FKTN: variants seen among roughly 807,000 people sequenced by gnomAD.
The protein encoded by FKTN is fukutin.
FKTN carries 47 observed loss-of-function variants against 58.6 expected under a neutral mutation model. That is an observed-to-expected ratio of 0.80 (90% CI 0.63 to 1.02). The LOEUF is 1.02. Among genes scored for constraint, FKTN ranks in the 50% least tolerant of loss-of-function variants. FKTN has a pLI of 0.00. For synonymous variants in FKTN, 178 were observed against 191.9 expected (o/e 0.93, Z 0.60); for missense variants, 516 against 537.3 (o/e 0.96, Z 0.39).
intron 3 of FKTN, among the ~76,000 whole-genome samples, chr9:105,584,618 G>A (rs1303065320): frequency 1.3e-5 from 2 of 151,982 alleles, no homozygotes; most frequent in Non-Finnish European, 2.9e-5. Flanking sequence ...CCAAGAGTTT[G>A]AAACCAGCCA....
chr9:105,616,083 AGATTT>A (rs1478416166), intron 8 of FKTN, among the ~76,000 whole-genome samples: 1 of 152,214 alleles, frequency 6.6e-6, no homozygotes, highest in Non-Finnish European at 1.5e-5. Context: ...GAGCCCTGAA[AGATTT>A]GATTTAACAC....
chr9:105,584,309 C>A (rs1317897367), intron 3 of FKTN, among the ~76,000 whole-genome samples: 1 of 151,612 alleles, frequency 6.6e-6, no homozygotes, highest in East Asian at 1.9e-4. Flanking sequence ...GTGTCCATAC[C>A]ATACAAACTG....
At chr9:105,614,933 G>C (rs1398573804) in intron 7 of FKTN, among the ~76,000 whole-genome samples, 1 of 151,120 alleles carries the variant, frequency 6.6e-6, no homozygotes, top group African/African-American at 2.4e-5. Flanking sequence ...GCCCAGGCTG[G>C]AGTATAGTGG....
At chr9:105,630,401 T>TTCGAGACAGTGAATTAGTAATCCG (rs1833268119) in intron 10 of FKTN, among the ~76,000 whole-genome samples, 1 of 152,186 alleles carries the variant, frequency 6.6e-6, no homozygotes. Flanking sequence ...CCTATATTCA[T>TTCGAGACAGTGAATTAGTAATCCG]TCGAGACAGT....
chr9:105,625,510 A>G (rs1466664828), intron 10 of FKTN, among the ~76,000 whole-genome samples: 2 of 152,170 alleles, frequency 1.3e-5, no homozygotes, highest in African/African-American at 2.4e-5. Flanking sequence ...CTGTTGAGGA[A>G]TATTGTTCTT....
intron 3 of FKTN, among the ~76,000 whole-genome samples, chr9:105,593,465 A>G (rs907544827): frequency 6.6e-6 from 1 of 152,186 alleles, no homozygotes; most frequent in African/African-American, 2.4e-5. Flanking sequence ...TTGACATTCA[A>G]ATGAAGAAGG....
chr9:105,615,286 T>C lies in FKTN; in HGVS notation c.789T>C (p.Leu263=). The change falls in exon 8 of 11, where the codon CTT becomes CTC. Residue 263 remains leucine, a synonymous_variant. Coordinates refer to ENST00000357998, the MANE Select transcript of FKTN (RefSeq NM_001079802.2). ...KEARAFFQQY[L]DDNTVEAVAF... is the part of the protein sequence containing the mutation. Reference sequence around the variant, plus strand: ...ATTTATTATATCTGTAGCAGTACCTTGATGATAACACTGTGGAAGCTGTGG... The same window carrying C: ...ATTTATTATATCTGTAGCAGTACCTCGATGATAACACTGTGGAAGCTGTGG... The C allele has an allele frequency of 6.2e-7, 1 of 1,614,018 alleles. No individual in the cohort carries two copies. Among genetic ancestry groups the C allele is most frequent in the African/African-American group, 1.3e-5 (1 of 75,054 alleles).
At chr9:105,600,716 C>A (rs1260957292) in intron 4 of FKTN, among the ~76,000 whole-genome samples, 1 of 152,112 alleles carries the variant, frequency 6.6e-6, no homozygotes, top group Non-Finnish European at 1.5e-5. Context: ...ATTAACAAGA[C>A]TGATTTTTAA....
intron 3 of FKTN, among the ~76,000 whole-genome samples, chr9:105,588,237 G>A (rs751157138): frequency 7.9e-5 from 12 of 152,160 alleles, no homozygotes; most frequent in Non-Finnish European, 1.8e-4. Flanking sequence ...GTTATCACTA[G>A]AGTTCAGTTG....
chr9:105,580,421 TA>T (rs1482107243), intron 3 of FKTN, among the ~76,000 whole-genome samples: 6 of 145,832 alleles, frequency 4.1e-5, no homozygotes, highest in Admixed American at 2.1e-4. Flanking sequence ...CTCCTTCACT[TA>T]TGAAGCTTAG....
rs148886946 is a variant in FKTN, at chr9:105,589,521, C to T, written c.106-7077C>T. 2.3e-3 allele frequency among the ~76,000 whole-genome samples: 332 copies of T among 146,798 alleles called. 1 individual carries two copies. Among genetic ancestry groups the T allele is most frequent in the Admixed American group, 5.0e-3 (75 of 14,946 alleles). On this transcript the variant is annotated intron_variant, in intron 3 of 10. Transcript: ENST00000357998. ...CATCTCAAAAAAAAACTGGGGGGGG[C>T]GGGTACTAACAAAATGGTATAATCT...
intron 1 of FKTN, among the ~76,000 whole-genome samples, chr9:105,570,680 C>G (rs1404975169): frequency 6.6e-6 from 1 of 152,082 alleles, no homozygotes; most frequent in African/African-American, 2.4e-5. Flanking sequence ...GTCATTTTAT[C>G]TCTAGTGCTT....
intron 10 of FKTN, among the ~76,000 whole-genome samples, chr9:105,625,317 A>G (rs147266622): frequency 7.9e-5 from 12 of 152,342 alleles, no homozygotes; most frequent in Admixed American, 2.0e-4. Context: ...GGGAATTGCT[A>G]TTAAGTTAGA....
intron 10 of FKTN, among the ~76,000 whole-genome samples, chr9:105,621,417 G>A (rs1831918427): frequency 6.6e-6 from 1 of 152,004 alleles, no homozygotes; most frequent in Non-Finnish European, 1.5e-5. Flanking sequence ...AATGTTTAAA[G>A]CTAGTTCAAG....
At chr9:105,579,353 CTGGTA>C (rs1277900672) in intron 3 of FKTN, among the ~76,000 whole-genome samples, 2 of 152,066 alleles carry the variant, frequency 1.3e-5, no homozygotes, top group African/African-American at 4.8e-5. Context: ...CCCAGAGATT[CTGGTA>C]TGTCGTGTCT....
intron 3 of FKTN, among the ~76,000 whole-genome samples, chr9:105,578,025 T>C (rs1217566972): frequency 1.8e-3 from 272 of 150,656 alleles, no homozygotes; most frequent in African/African-American, 6.5e-3. Flanking sequence ...ATTTTGTATC[T>C]TGAGACTTTG....
intron 1 of FKTN, among the ~76,000 whole-genome samples, chr9:105,572,404 G>C (rs909210803): frequency 6.6e-6 from 1 of 152,302 alleles, no homozygotes; most frequent in East Asian, 1.9e-4. Context: ...GAGAGAAAGA[G>C]ATGTAATTAC....
chr9:105,617,868 A>G (rs1305087751), intron 8 of FKTN, 91 bp from the exon 9 acceptor site: 1 of 887,506 alleles, frequency 1.1e-6, no homozygotes, highest in Non-Finnish European at 1.7e-6. Context: ...AAAAAAAAAG[A>G]AAAAAAATCC....
Position 105,604,296 on chromosome 9 carries a change from G to C in FKTN, c.451G>C (p.Asp151His), listed in dbSNP as rs759971815. The C allele has an allele frequency of 6.2e-7, 1 of 1,613,660 alleles. No individual in the cohort carries two copies. Among genetic ancestry groups the C allele is most frequent in the South Asian group, 1.1e-5 (1 of 91,064 alleles). ...TAAAGATCCCCGGCTAGACGGGATA[G>C]ACTCACTCTCTGGAACTGAAATCCC... is the stretch of plus-strand genomic sequence containing the variant. ...ESKDPRLDGI[D>H]SLSGTEIPLH... is the part of the protein sequence containing the mutation. Residue 151 changes from aspartate to histidine, a missense_variant, in exon 6 of 11, where the codon GAC becomes CAC. By Grantham distance (81) the Asp-to-His change is moderately conservative (BLOSUM62 -1). Transcript: ENST00000357998.
Sources: allele counts gnomAD v4.1 joint callset (sites outside exome capture counted in the v4.1 genomes callset), GRCh38; gene constraint gnomAD v4.1.1; transcripts MANE v1.5; gene names NCBI Gene and HGNC (gene_info 2026-07-23, HGNC 2026-07-21).